The following CCDC18 variants were observed in gnomAD, a reference collection of about 807,000 sequenced individuals.
The protein encoded by CCDC18 is coiled-coil domain-containing protein 18.
CCDC18 carries 157 observed loss-of-function variants against 196.0 expected under a neutral mutation model. That is an observed-to-expected ratio of 0.80 (90% confidence interval 0.70 to 0.91). The LOEUF (loss-of-function observed/expected upper bound fraction) is 0.91. Ranked by LOEUF, CCDC18 falls within the 40% of genes least tolerant of loss-of-function variation. The pLI is 0.00. For synonymous variants in CCDC18, 482 were observed against 529.2 expected (o/e 0.91, Z 1.22); for missense variants, 1,465 against 1,611.6 (o/e 0.91, Z 1.56).
intron 4 of CCDC18, among the ~76,000 whole-genome samples, chr1:93,187,324 G>C (rs372269282): frequency 6.6e-6 from 1 of 151,976 alleles, no homozygotes; most frequent in East Asian, 1.9e-4. Context: ...TCTATGTGTA[G>C]TCAGCACTCA....
At chr1:93,201,228 G>A (rs1170026401) in intron 6 of CCDC18, among the ~76,000 whole-genome samples, 5 of 152,164 alleles carry the variant, frequency 3.3e-5, no homozygotes, top group Admixed American at 2.6e-4. Flanking sequence ...ACTTACATTA[G>A]AAAGAATATG....
At chr1:93,251,355 T>G (rs1175385064) in intron 23 of CCDC18, among the ~76,000 whole-genome samples, 1 of 152,230 alleles carries the variant, frequency 6.6e-6, no homozygotes, top group Non-Finnish European at 1.5e-5. Flanking sequence ...TTAGTCTTAC[T>G]AAAGATATAA....
In CCDC18 at chr1:93,222,483, T is replaced by C. The variant is rs1657603084; in HGVS notation, c.2175+547T>C. ...ACTAAAAGTGATTCAATTTTGCTTGTTTTTATCAGTTGGCTTGTAAGATTA... is the reference window on the plus strand; with the variant it reads ...ACTAAAAGTGATTCAATTTTGCTTGCTTTTATCAGTTGGCTTGTAAGATTA... On this transcript the variant is annotated intron_variant, in intron 16 of 28. Coordinates refer to ENST00000690025, the MANE Select transcript of CCDC18 (RefSeq NM_001378204.1). 1.3e-5 allele frequency among the ~76,000 whole-genome samples: 2 copies of C among 152,176 alleles called. 1 individual carries two copies. Among genetic ancestry groups the C allele is most frequent in the South Asian group, 4.1e-4 (2 of 4,822 alleles).
chr1:93,239,236 C>T, intron 19 of CCDC18, 74 bp from the exon 20 acceptor site: 13 of 1,132,880 alleles, frequency 1.1e-5, no homozygotes, highest in Middle Eastern at 2.8e-4. Flanking sequence ...AACTTGCAGG[C>T]TTTTTTTTTA....
chr1:93,243,409 C>T (rs538366871), intron 21 of CCDC18, among the ~76,000 whole-genome samples: 4 of 152,308 alleles, frequency 2.6e-5, no homozygotes, highest in East Asian at 1.9e-4. Flanking sequence ...CTGCACACAG[C>T]GTGGTGACCC....
chr1:93,236,685 C>G (rs1173595111), intron 19 of CCDC18, among the ~76,000 whole-genome samples: 1 of 152,166 alleles, frequency 6.6e-6, no homozygotes, highest in Non-Finnish European at 1.5e-5. Flanking sequence ...CATAGGCACT[C>G]AGCAACTGTT....
intron 24 of CCDC18, 152 bp downstream of exon 24, chr1:93,254,766 T>C: frequency 2.7e-6 from 2 of 745,224 alleles, no homozygotes; most frequent in Non-Finnish European, 4.6e-6. Context: ...GTTAGTTTCT[T>C]TGACCTTTTA....
In CCDC18 at chr1:93,234,934, A is replaced by AGT. The variant is rs759186009; in HGVS notation, c.2461-1313_2461-1312insTG. Among the ~76,000 whole-genome samples, 21 of 67,874 alleles carry AGT rather than the reference A, an allele frequency of 3.1e-4. 1 individual carries two copies. The highest frequency in any genetic ancestry group is 1.9e-3 in the East Asian group (6 of 3,198). The allele number at this position is 67,874 out of a possible 152,430, so 44.5% of individuals were successfully genotyped here. ...AAGTGCATACCACCATGCCCAGCTAAGAGTGTGTGTGTGTGTGTGTGTGTG... is the reference window on the plus strand; with the variant it reads ...AAGTGCATACCACCATGCCCAGCTAAGTGAGTGTGTGTGTGTGTGTGTGTGTG... On this transcript the variant is annotated intron_variant, in intron 18 of 28. Coordinates refer to ENST00000690025, the MANE Select transcript of CCDC18 (RefSeq NM_001378204.1).
intron 6 of CCDC18, among the ~76,000 whole-genome samples, chr1:93,194,021 G>T (rs917437227): frequency 2.6e-5 from 4 of 151,812 alleles, no homozygotes; most frequent in Admixed American, 1.3e-4. Context: ...AAGTTCTATG[G>T]CCTATTTGAA....
intron 17 of CCDC18, among the ~76,000 whole-genome samples, chr1:93,228,655 G>A (rs1658777759): frequency 6.8e-6 from 1 of 146,996 alleles, no homozygotes; most frequent in Non-Finnish European, 1.5e-5. Context: ...GTATGTACTT[G>A]GATTTTTAAA....
At chr1:93,228,507 TAA>T (rs34585083) in intron 17 of CCDC18, among the ~76,000 whole-genome samples, 50 of 141,670 alleles carry the variant, frequency 3.5e-4, no homozygotes, top group African/African-American at 5.8e-4. Flanking sequence ...CTTAGAAGTT[TAA>T]AAAAAAAAAA....
chr1:93,265,593 T>A lies in CCDC18; in HGVS notation c.3885+692T>A, dbSNP rs555414869. Among the ~76,000 whole-genome samples, 5 of 152,226 alleles carry A rather than the reference T, an allele frequency of 3.3e-5. No individual in the cohort carries two copies. The East Asian group carries it at 9.6e-4, about 29-fold the overall frequency. ...CCAACTCTACAACTGTTTTGTTAATTGTGATTTTAAGAATGTGAATGTAGG... is the reference window on the plus strand; with the variant it reads ...CCAACTCTACAACTGTTTTGTTAATAGTGATTTTAAGAATGTGAATGTAGG... On this transcript the variant is annotated intron_variant, in intron 27 of 28. Transcript: ENST00000690025.
intron 9 of CCDC18, among the ~76,000 whole-genome samples, chr1:93,208,050 T>A (rs2783500): frequency 0.19 from 28,292 of 152,136 alleles, 2,897 homozygotes; most frequent in East Asian, 0.31. Flanking sequence ...GTTTCCACTT[T>A]GGGATATTAT....
chr1:93,248,623 T>G lies in CCDC18; in HGVS notation c.3198+1669T>G, dbSNP rs188045649. Among the ~76,000 whole-genome samples, 6 of 152,320 alleles carry G rather than the reference T, an allele frequency of 3.9e-5. No homozygotes were observed. In the East Asian group the frequency reaches 1.2e-3, roughly 29 times the overall value. On this transcript the variant is annotated intron_variant, in intron 23 of 28. Coordinates refer to ENST00000690025, the MANE Select transcript of CCDC18 (RefSeq NM_001378204.1). Reference sequence around the variant, plus strand: ...TCAGGGATATTGGCCTGTTGTTTTCTGTTTCTGTTATGTCCTTGTCCGGTT... The same window carrying G: ...TCAGGGATATTGGCCTGTTGTTTTCGGTTTCTGTTATGTCCTTGTCCGGTT...
In CCDC18 at chr1:93,217,088, C is replaced by T. The variant is rs577658761; in HGVS notation, c.1830+342C>T. On this transcript the variant is annotated intron_variant, in intron 13 of 28. Coordinates refer to ENST00000690025, the MANE Select transcript of CCDC18 (RefSeq NM_001378204.1). ...TAGCTGGGACTACAGGCGCCCGCCA[C>T]CACGCCTGGCTAATTTTTTTTGTAT... Among the ~76,000 whole-genome samples the T allele has an allele frequency of 2.6e-5, 4 of 151,598 alleles. No individual in the cohort carries two copies. In the East Asian group the frequency reaches 5.8e-4, roughly 22 times the overall value.
intron 24 of CCDC18, among the ~76,000 whole-genome samples, chr1:93,255,782 GA>G (rs1443506187): frequency 6.7e-6 from 1 of 149,632 alleles, no homozygotes; most frequent in African/African-American, 2.5e-5. Flanking sequence ...AGAGGAAGAA[GA>G]GGAAGAAGAA....
chr1:93,235,367 A>G (rs990241805), intron 18 of CCDC18, among the ~76,000 whole-genome samples: 1 of 152,228 alleles, frequency 6.6e-6, no homozygotes, highest in Non-Finnish European at 1.5e-5. Context: ...TCATTAAGGA[A>G]GGAATGAATG....
chr1:93,185,491 C>T (rs1474351027), intron 3 of CCDC18, among the ~76,000 whole-genome samples: 1 of 151,382 alleles, frequency 6.6e-6, no homozygotes, highest in South Asian at 2.1e-4. Context: ...TTTATTCATA[C>T]AATGGAAACT....
At chr1:93,180,097 T>C, upstream of CCDC18, 2 of 1,613,472 alleles carry the variant, frequency 1.2e-6, no homozygotes, top group African/African-American at 1.3e-5. Context: ...CATGGGCTGG[T>C]AGAAGCACTC....
Sources: allele counts gnomAD v4.1 joint callset (sites outside exome capture counted in the v4.1 genomes callset), GRCh38; gene constraint gnomAD v4.1.1; transcripts MANE v1.5; gene names NCBI Gene and HGNC (gene_info 2026-07-23, HGNC 2026-07-21).